HDAC9: variants seen among roughly 807,000 people sequenced by gnomAD.
HDAC9 encodes histone deacetylase 9.
A neutral mutation model predicts 139.4 loss-of-function variants in HDAC9; 41 were observed. That is an observed-to-expected ratio of 0.29 (90% CI 0.23 to 0.38). The LOEUF is 0.38. HDAC9 is among the 10% of genes least tolerant of loss of function. The pLI, the probability that HDAC9 is intolerant of heterozygous loss-of-function variation, is 1.00. For missense variants in HDAC9, 1,147 were observed against 1,297.0 expected (o/e 0.88, Z 1.78); for synonymous variants, 517 against 476.2 (o/e 1.09, Z -1.12).
chr7:18,468,458 C>A lies in HDAC9; in HGVS notation c.-41-27804C>A, dbSNP rs558518014. The stretch of plus-strand genomic sequence containing the variant: ...AATTTTTTTTTTTTAAGAGAGGGGT[C>A]CTGCTGTGTTGCCCAGGCTGGAATG... On this transcript the variant is annotated intron_variant, in intron 1 of 3. Transcript: ENST00000413509. Among the ~76,000 whole-genome samples the A allele has an allele frequency of 2.6e-5, 4 of 151,684 alleles. No homozygotes were observed. The East Asian group carries it at 7.8e-4, about 29-fold the overall frequency.
intron 2 of HDAC9, among the ~76,000 whole-genome samples, chr7:18,583,852 G>A (rs1340077400): frequency 1.3e-5 from 2 of 152,110 alleles, no homozygotes; most frequent in South Asian, 2.1e-4. Flanking sequence ...CAAATAGTTG[G>A]TTTTATCTGA....
intron 1 of HDAC9, among the ~76,000 whole-genome samples, chr7:18,482,462 T>G (rs1795644760): frequency 6.7e-6 from 1 of 149,374 alleles, no homozygotes; most frequent in Non-Finnish European, 1.5e-5. Context: ...TAAAAACTAT[T>G]TTCCCCTTAT....
chr7:18,286,007 T>C (rs1423664641), upstream of HDAC9, among the ~76,000 whole-genome samples: 1 of 152,108 alleles, frequency 6.6e-6, no homozygotes, highest in Admixed American at 6.6e-5. Context: ...TCCCCAACAA[T>C]GTTGAACTAG....
At chr7:18,929,903 C>A (rs1804579367) in intron 22 of HDAC9, among the ~76,000 whole-genome samples, 1 of 151,790 alleles carries the variant, frequency 6.6e-6, no homozygotes, top group Admixed American at 6.6e-5. Flanking sequence ...CACGCCACTG[C>A]ACTCTAGCCC....
chr7:18,903,315 A>G (rs901563714), intron 22 of HDAC9, among the ~76,000 whole-genome samples: 4 of 152,228 alleles, frequency 2.6e-5, no homozygotes, highest in Admixed American at 2.6e-4. Context: ...TGACAACTGC[A>G]TTTTATTCAT....
intron 25 of HDAC9, among the ~76,000 whole-genome samples, chr7:18,994,686 T>A (rs1489970020): frequency 6.6e-6 from 1 of 152,230 alleles, no homozygotes; most frequent in Non-Finnish European, 1.5e-5. Context: ...GTTTTAGATT[T>A]GTTATACAAA....
chr7:18,906,199 G>A (rs139073034), intron 22 of HDAC9, among the ~76,000 whole-genome samples: 110 of 151,644 alleles, frequency 7.3e-4, no homozygotes, highest in African/African-American at 2.6e-3. Context: ...CTGGAGTGTA[G>A]TGGCACAATC....
At chr7:18,346,737 A>G (rs1163505906) in intron 1 of HDAC9, among the ~76,000 whole-genome samples, 2 of 152,100 alleles carry the variant, frequency 1.3e-5, no homozygotes, top group African/African-American at 4.8e-5. Flanking sequence ...TTCTTCCACA[A>G]TTACAATAGA....
chr7:18,402,128 G>GTTT (rs2128735004), intron 1 of HDAC9, among the ~76,000 whole-genome samples: 1 of 152,322 alleles, frequency 6.6e-6, no homozygotes, highest in African/African-American at 2.4e-5. Flanking sequence ...CACCATGGTT[G>GTTT]ACTTGGAGGG....
At chr7:18,932,537 G>A (rs912642435) in intron 22 of HDAC9, among the ~76,000 whole-genome samples, 7 of 152,028 alleles carry the variant, frequency 4.6e-5, no homozygotes, top group East Asian at 1.9e-4. Context: ...CCAATCGGTC[G>A]GAGTTGGAAC....
intron 11 of HDAC9, among the ~76,000 whole-genome samples, chr7:18,665,716 TTCTC>T (rs1794660674): frequency 6.6e-6 from 1 of 152,146 alleles, no homozygotes; most frequent in South Asian, 2.1e-4. Context: ...TGACTGTCGT[TTCTC>T]TGTATAGGTA....
intron 13 of HDAC9, among the ~76,000 whole-genome samples, chr7:18,739,626 T>G (rs1787257799): frequency 6.6e-6 from 1 of 152,170 alleles, no homozygotes; most frequent in Non-Finnish European, 1.5e-5. Context: ...AGCCTGATCC[T>G]TCCTCTTGAA....
intron 2 of HDAC9, among the ~76,000 whole-genome samples, chr7:18,497,260 TC>T (rs1563054250): frequency 6.6e-6 from 1 of 152,144 alleles, no homozygotes; most frequent in Non-Finnish European, 1.5e-5. Flanking sequence ...AGATCCCACT[TC>T]CCATGTGGGC....
At chr7:18,150,997 G>C (rs1786737841) in intron 1 of HDAC9, among the ~76,000 whole-genome samples, 1 of 152,178 alleles carries the variant, frequency 6.6e-6, no homozygotes, top group African/African-American at 2.4e-5. Flanking sequence ...GGCTGCTACA[G>C]ATGTTGGATT....
chr7:18,568,052 A>ATATATATATATATATG (rs1823040850), intron 2 of HDAC9, among the ~76,000 whole-genome samples: 1 of 139,054 alleles, frequency 7.2e-6, no homozygotes, highest in African/African-American at 2.6e-5. Context: ...ATATATATAT[A>ATATATATATATATATG]TGTAAGCTTA....
intron 19 of HDAC9, among the ~76,000 whole-genome samples, chr7:18,833,456 T>C (rs1796005166): frequency 6.6e-6 from 1 of 152,206 alleles, no homozygotes; most frequent in Non-Finnish European, 1.5e-5. Flanking sequence ...AAAATTACTA[T>C]TGTATAGGGG....
intron 22 of HDAC9, chr7:18,892,197 C>T (rs756940557): frequency 1.3e-5 from 2 of 152,102 alleles, no homozygotes; most frequent in Non-Finnish European, 2.9e-5. Context: ...TGTCTTCAGT[C>T]GTCATCTGGA....
chr7:18,145,369 T>TA (rs1324898696), intron 1 of HDAC9, among the ~76,000 whole-genome samples: 42 of 152,264 alleles, frequency 2.8e-4, no homozygotes, highest in Middle Eastern at 6.8e-3. Context: ...TGGGTGCAGT[T>TA]ATATGGTTTC....
chr7:18,721,546 T>C (rs1785145641), intron 12 of HDAC9, among the ~76,000 whole-genome samples: 1 of 152,182 alleles, frequency 6.6e-6, no homozygotes, highest in African/African-American at 2.4e-5. Context: ...TCTTGCTCTG[T>C]ATTTTCAGAG....
Sources: allele counts gnomAD v4.1 joint callset (sites outside exome capture counted in the v4.1 genomes callset), GRCh38; gene constraint gnomAD v4.1.1; transcripts MANE v1.5; gene names NCBI Gene and HGNC (gene_info 2026-07-23, HGNC 2026-07-21).